Variants in CECR2 observed in about 807,000 individuals in gnomAD.
CECR2 encodes CECR2 histone acetyl-lysine reader.
In CECR2, 30 loss-of-function variants were observed where a neutral mutation model predicts 154.5. The ratio of observed to expected loss-of-function variants is 0.19; its 90% CI spans 0.15 to 0.26. The LOEUF is 0.26. Among genes scored for constraint, CECR2 ranks in the 10% least tolerant of loss-of-function variants. The pLI is 1.00. For missense variants in CECR2, 1,743 were observed against 1,829.3 expected (o/e 0.95, Z 0.86); for synonymous variants, 725 against 683.7 (o/e 1.06, Z -0.94).
At chr22:17,414,447 TTC>T (rs1433228905) in intron 1 of CECR2, among the ~76,000 whole-genome samples, 1 of 145,864 alleles carries the variant, frequency 6.9e-6, no homozygotes, top group Non-Finnish European at 1.5e-5. Flanking sequence ...CTCACTCAGT[TTC>T]TTTTTTCTTT....
chr22:17,504,909 C>G lies in CECR2; in HGVS notation c.763C>G (p.Gln255Glu), dbSNP rs970151944. The stretch of plus-strand genomic sequence containing the variant: ...GTGCCAGACAGAAGAGGAATGGAGA[C>G]AGGTCACCGAGAGTTTTCGCGAGAG... ...LLCQTEEEWR[Q>E]VTESFRERTS... Residue 255 changes from glutamine to glutamate, a missense_variant, in exon 7 of 19, where the codon CAG (glutamine) becomes GAG (glutamate). Transcript: ENST00000262608. 1.9e-6 allele frequency: 3 copies of G among 1,613,818 alleles called. No homozygotes were observed. Among genetic ancestry groups the G allele is most frequent in the Non-Finnish European group, 2.5e-6 (3 of 1,179,828 alleles).
intron 1 of CECR2, among the ~76,000 whole-genome samples, chr22:17,430,342 C>A (rs2054402690): frequency 1.3e-5 from 2 of 152,142 alleles, no homozygotes; most frequent in Non-Finnish European, 2.9e-5. Flanking sequence ...AAGGGCCCTA[C>A]CTTTCTGCAC....
intron 1 of CECR2, among the ~76,000 whole-genome samples, chr22:17,464,107 A>G (rs1308789799): frequency 6.6e-6 from 1 of 152,210 alleles, no homozygotes; most frequent in Non-Finnish European, 1.5e-5. Context: ...ATTTGTTTGC[A>G]TCACTAATAC....
intron 1 of CECR2, among the ~76,000 whole-genome samples, chr22:17,429,653 A>G (rs2054391621): frequency 6.6e-6 from 1 of 152,198 alleles, no homozygotes; most frequent in African/African-American, 2.4e-5. Flanking sequence ...CTTATGGAAG[A>G]TAAAAAGGAA....
intron 1 of CECR2, among the ~76,000 whole-genome samples, chr22:17,459,317 A>G (rs79253587): frequency 0.012 from 1,781 of 152,238 alleles, 29 homozygotes; most frequent in African/African-American, 0.039. Flanking sequence ...CCGGCCCTGC[A>G]TCCCAGCCCT....
Position 17,484,706 on chromosome 22 carries a change from C to T in CECR2, c.221+7024C>T, listed in dbSNP as rs144290180. Among the ~76,000 whole-genome samples the T allele has an allele frequency of 3.6e-3, 547 of 152,140 alleles. 2 individuals carry two copies. The highest frequency in any genetic ancestry group is 5.0e-3 in the Admixed American group (76 of 15,270). On this transcript the variant is annotated intron_variant, in intron 2 of 18. Coordinates refer to ENST00000262608, the MANE Select transcript of CECR2 (RefSeq NM_001290047.2). Reference sequence around the variant, plus strand: ...ACTTGAGGTCAGGAGTTCGAGACCACGTCTCTACTAAAAATTCAAAAATTA... The same window carrying T: ...ACTTGAGGTCAGGAGTTCGAGACCATGTCTCTACTAAAAATTCAAAAATTA...
intron 4 of CECR2, among the ~76,000 whole-genome samples, chr22:17,500,190 G>A (rs539053499): frequency 5.4e-4 from 76 of 141,192 alleles, no homozygotes; most frequent in African/African-American, 1.9e-3. Context: ...CAGCCTGGGC[G>A]ACAGAGCGAG....
At chr22:17,470,388 G>A (rs2003462) in intron 1 of CECR2, among the ~76,000 whole-genome samples, 2,332 of 120,038 alleles carry the variant, frequency 0.019, 85 homozygotes, top group African/African-American at 0.075. Context: ...CAGAGACTCC[G>A]TCTCAAAAAA....
chr22:17,476,647 G>A (rs2055212745), intron 1 of CECR2, among the ~76,000 whole-genome samples: 1 of 152,182 alleles, frequency 6.6e-6, no homozygotes, highest in Admixed American at 6.6e-5. Context: ...TAATAAGATT[G>A]TCAGAAGTTT....
At chr22:17,465,384 C>T (rs2055013942) in intron 1 of CECR2, among the ~76,000 whole-genome samples, 1 of 152,080 alleles carries the variant, frequency 6.6e-6, no homozygotes, top group African/African-American at 2.4e-5. Flanking sequence ...GGCTGGAGTA[C>T]AGTGGCACAG....
intron 9 of CECR2, among the ~76,000 whole-genome samples, chr22:17,531,327 G>T (rs904875056): frequency 6.6e-6 from 1 of 152,352 alleles, no homozygotes; most frequent in Middle Eastern, 3.4e-3. Context: ...GCCAAGTGCG[G>T]CTTCGCAGAT....
intron 8 of CECR2, among the ~76,000 whole-genome samples, chr22:17,520,688 C>T (rs1442902670): frequency 6.6e-6 from 1 of 151,934 alleles, no homozygotes; most frequent in African/African-American, 2.4e-5. Context: ...GGTTTTCTGT[C>T]TTGTGATAGT....
chr22:17,433,509 G>A (rs539962815), intron 1 of CECR2, among the ~76,000 whole-genome samples: 4 of 152,146 alleles, frequency 2.6e-5, no homozygotes, highest in South Asian at 4.2e-4. Flanking sequence ...ACAGTGCCTC[G>A]ATCACTGCTC....
intron 1 of CECR2, among the ~76,000 whole-genome samples, chr22:17,476,422 T>C (rs1299068179): frequency 2.0e-5 from 3 of 151,964 alleles, no homozygotes; most frequent in African/African-American, 7.2e-5. Context: ...CCACCATGCC[T>C]GGCTAATTTT....
chr22:17,422,153 A>G (rs1040908694), intron 1 of CECR2, among the ~76,000 whole-genome samples: 2 of 150,118 alleles, frequency 1.3e-5, no homozygotes, highest in African/African-American at 2.5e-5. Flanking sequence ...CTTTATGTGT[A>G]TTTTTCTGTA....
intron 8 of CECR2, among the ~76,000 whole-genome samples, chr22:17,514,027 C>T (rs1240091359): frequency 3.3e-5 from 5 of 152,280 alleles, no homozygotes; most frequent in Admixed American, 2.0e-4. Context: ...TTGTGGTCCC[C>T]GATATCCTGG....
At chr22:17,426,357 AT>A (rs890280518) in intron 1 of CECR2, among the ~76,000 whole-genome samples, 63 of 149,488 alleles carry the variant, frequency 4.2e-4, no homozygotes, top group African/African-American at 9.5e-4. Context: ...TATTCTTTTA[AT>A]TTTTTTTTTT....
chr22:17,454,938 C>T (rs1405192839), intron 1 of CECR2, among the ~76,000 whole-genome samples: 1 of 152,142 alleles, frequency 6.6e-6, no homozygotes, highest in East Asian at 1.9e-4. Context: ...CATGAGAGTA[C>T]ACCGAACAAA....
intron 8 of CECR2, among the ~76,000 whole-genome samples, chr22:17,516,040 G>T (rs1043655350): frequency 1.2e-4 from 19 of 152,078 alleles, no homozygotes; most frequent in African/African-American, 4.3e-4. Flanking sequence ...TGAGCCTGTT[G>T]AACATACCTA....
Sources: allele counts gnomAD v4.1 joint callset (sites outside exome capture counted in the v4.1 genomes callset), GRCh38; gene constraint gnomAD v4.1.1; transcripts MANE v1.5; gene names NCBI Gene and HGNC (gene_info 2026-07-23, HGNC 2026-07-21).